Variants in PLS3 observed in about 807,000 individuals in gnomAD.
PLS3 encodes plastin-3.
A neutral mutation model predicts 46.5 loss-of-function variants in PLS3; 11 were observed. The ratio of observed to expected loss-of-function variants is 0.24; its 90% confidence interval spans 0.15 to 0.39. PLS3 has a LOEUF of 0.39. Ranked by LOEUF, PLS3 falls within the 10% of genes least tolerant of loss-of-function variation. The probability of loss-of-function intolerance (pLI) is 1.00; values close to 1 mark genes in which losing one functional copy is unlikely to be tolerated. For synonymous variants in PLS3, 167 were observed against 162.2 expected, an observed-to-expected ratio of 1.03 and a Z score of -0.22; for missense variants, 308 against 461.8, an observed-to-expected ratio of 0.67 and a Z score of 3.05.
At chrX:115,567,108 TAC>T (rs2074180261) in intron 1 of PLS3, among the ~76,000 whole-genome samples, 1 of 112,176 alleles carries the variant, frequency 8.9e-6, no homozygotes, top group Non-Finnish European at 1.9e-5. Context: ...TGGTAATTGT[TAC>T]AGAGTCCATT....
chrX:115,645,109 C>T lies in PLS3; in HGVS notation c.1262+10C>T. 9.5e-7 allele frequency: 1 copy of T among 1,050,135 alleles called. No homozygotes were observed. The highest frequency in any genetic ancestry group is 1.3e-6 in the Non-Finnish European group (1 of 752,637). The allele number at this position is 1,050,135 out of a possible 1,213,427, so 86.5% of individuals were successfully genotyped here. A position where few individuals can be genotyped will look rare whatever the true frequency, so the allele number is the denominator to read the frequency against. On this transcript the variant is annotated intron_variant, in intron 11 of 15. Coordinates refer to ENST00000355899, the MANE Select transcript of PLS3 (RefSeq NM_005032.7). Reference sequence around the variant, plus strand: ...TAAACCATCTCTATGCGTAAGCCTTCCTACTGCTATTGTAAACAGTTACGA... The same window carrying T: ...TAAACCATCTCTATGCGTAAGCCTTTCTACTGCTATTGTAAACAGTTACGA...
At chrX:115,571,804 AAT>A (rs1368467220) in intron 1 of PLS3, among the ~76,000 whole-genome samples, 1 of 112,340 alleles carries the variant, frequency 8.9e-6, no homozygotes, top group Admixed American at 9.5e-5. Context: ...AAAGTAAACC[AAT>A]ATGTTTTCAT....
intron 3 of PLS3, among the ~76,000 whole-genome samples, chrX:115,627,984 C>A (rs1299595524): frequency 9.0e-6 from 1 of 111,676 alleles, no homozygotes. Flanking sequence ...ACTGACAACA[C>A]ATACAGCAAC....
intron 10 of PLS3, 22 bp from the exon 11 acceptor site, chrX:115,644,999 A>G: frequency 1.9e-6 from 2 of 1,043,564 alleles, no homozygotes; most frequent in Middle Eastern, 2.5e-4. Context: ...GAATCAGTAA[A>G]TTTTGTGAAT....
At chrX:115,602,522 G>A (rs1330473566) in intron 1 of PLS3, among the ~76,000 whole-genome samples, 2 of 111,376 alleles carry the variant, frequency 1.8e-5, no homozygotes, top group Admixed American at 1.9e-4. Flanking sequence ...CAGGGTGGCA[G>A]TTTCTATTGG....
intron 9 of PLS3, among the ~76,000 whole-genome samples, chrX:115,642,811 C>G (rs2147575864): frequency 9.0e-6 from 1 of 111,193 alleles, no homozygotes; most frequent in Admixed American, 9.6e-5. Flanking sequence ...CAGTTAATAC[C>G]CTTTCACATT....
intron 2 of PLS3, among the ~76,000 whole-genome samples, chrX:115,620,301 T>C (rs782715319): frequency 2.0e-4 from 22 of 111,197 alleles, no homozygotes; most frequent in Non-Finnish European, 4.1e-4. Flanking sequence ...CACTGCAGCA[T>C]CACTGACTTT....
At chrX:115,616,224 A>G (rs1199980516) in intron 2 of PLS3, among the ~76,000 whole-genome samples, 1 of 112,331 alleles carries the variant, frequency 8.9e-6, no homozygotes, top group Non-Finnish European at 1.9e-5. Context: ...GGACACTGTA[A>G]CCACAAATAA....
intron 6 of PLS3, among the ~76,000 whole-genome samples, chrX:115,634,398 A>G (rs906402869): frequency 8.9e-6 from 1 of 112,183 alleles, no homozygotes; most frequent in Admixed American, 9.5e-5. Context: ...TGCTTAAGAA[A>G]TGGAGCATTT....
chrX:115,580,817 G>A (rs1311352736), intron 1 of PLS3, among the ~76,000 whole-genome samples: 5 of 112,141 alleles, frequency 4.5e-5, no homozygotes, highest in Admixed American at 3.8e-4. Context: ...AAAGTCTAAC[G>A]CTAGTTCTTA....
At chrX:115,646,354 G>A (rs1556641694) in intron 12 of PLS3, 48 bp from the exon 13 acceptor site, 6 of 1,176,345 alleles carry the variant, frequency 5.1e-6, no homozygotes, top group African/African-American at 1.7e-5. Flanking sequence ...CACGTATGCA[G>A]ATTAAACAAA....
chrX:115,584,717 G>A (rs182898837), intron 1 of PLS3, among the ~76,000 whole-genome samples: 39 of 111,934 alleles, frequency 3.5e-4, no homozygotes, highest in African/African-American at 1.1e-3. Flanking sequence ...ATGTAAAGTC[G>A]TGGCATTTGT....
At position 115,643,321 on chromosome X, in the gene PLS3, T is replaced by C; in HGVS notation, c.996T>C (p.Asp332=). The C allele has an allele frequency of 8.4e-7, 1 of 1,184,490 alleles. No individual in the cohort carries two copies. Among genetic ancestry groups the C allele is most frequent in the Admixed American group, 2.2e-5 (1 of 44,483 alleles). The change falls in exon 10 of 16, where the codon GAT becomes GAC. Residue 332 remains aspartate, a synonymous_variant. Transcript: ENST00000355899. ...DINMSGFNET[D]DLKRAESMLQ... Reference sequence around the variant, plus strand: ...CGATTTTGTTTCAACAGGAAACAGATGATTTGAAGAGAGCTGAGAGTATGC... The same window carrying C: ...CGATTTTGTTTCAACAGGAAACAGACGATTTGAAGAGAGCTGAGAGTATGC...
rs192986689 is a variant in PLS3, at chrX:115,577,861, A to G, written c.-9+16601A>G. Among the ~76,000 whole-genome samples the G allele has an allele frequency of 2.8e-4, 31 of 111,278 alleles. No homozygotes were observed. The East Asian group carries it at 8.5e-3, about 30-fold the overall frequency. ...GTATTACTCCTTGCCTAGAAAAAAA[A>G]ATGTCCATTTCATTCATCTATTCAT... On this transcript the variant is annotated intron_variant, in intron 1 of 15. Coordinates refer to ENST00000355899, the MANE Select transcript of PLS3 (RefSeq NM_005032.7).
intron 2 of PLS3, among the ~76,000 whole-genome samples, chrX:115,617,029 C>A (rs2074604265): frequency 9.0e-6 from 1 of 111,577 alleles, no homozygotes; most frequent in African/African-American, 3.3e-5. Context: ...CGAAGTGACT[C>A]AAAATTTTTA....
At chrX:115,577,729 C>T (rs1260652587) in intron 1 of PLS3, among the ~76,000 whole-genome samples, 2 of 111,286 alleles carry the variant, frequency 1.8e-5, no homozygotes, top group African/African-American at 3.3e-5. Context: ...CCTCCCGCCT[C>T]GGCCTCTAAA....
At chrX:115,615,437 A>G (rs1381988793) in intron 2 of PLS3, among the ~76,000 whole-genome samples, 1 of 107,096 alleles carries the variant, frequency 9.3e-6, no homozygotes, top group Non-Finnish European at 1.9e-5. Context: ...AAAAGAGAAT[A>G]ATGAGATTTC....
intron 1 of PLS3, among the ~76,000 whole-genome samples, chrX:115,591,639 G>T (rs2074346103): frequency 8.9e-6 from 1 of 111,835 alleles, no homozygotes; most frequent in African/African-American, 3.2e-5. Flanking sequence ...GGTCTAAACT[G>T]ATACTGTCTT....
intron 1 of PLS3, among the ~76,000 whole-genome samples, chrX:115,594,622 C>CCT (rs1323997837): frequency 1.3e-3 from 124 of 99,060 alleles, no homozygotes; most frequent in East Asian, 3.2e-3. Context: ...TCTTGCCTAG[C>CCT]CTCTCTCTCT....
Sources: gnomAD v4.1 joint callset for allele counts (sites outside exome capture counted in the v4.1 genomes callset) on GRCh38, gnomAD v4.1.1 for gene constraint, MANE v1.5 for transcripts, NCBI Gene and HGNC (gene_info 2026-07-23, HGNC 2026-07-21) for gene names.